Variants in ANK3 observed in about 807,000 individuals in gnomAD.
ANK3 encodes ankyrin-3.
Under a neutral mutation model 370.9 loss-of-function variants are expected in ANK3, and 57 were observed. The observed-to-expected ratio is 0.15, with a 90% CI of 0.12 to 0.19. ANK3 has a LOEUF of 0.19. ANK3 is among the 10% of genes least tolerant of loss of function. The pLI is 1.00. For synonymous variants in ANK3, 1,929 were observed against 1,946.3 expected, an observed-to-expected ratio of 0.99 and a Z score of 0.23; for missense variants, 4,439 against 5,302.1, an observed-to-expected ratio of 0.84 and a Z score of 5.06.
At chr10:60,337,362 T>C (rs1189342786) in intron 1 of ANK3, among the ~76,000 whole-genome samples, 1 of 152,154 alleles carries the variant, frequency 6.6e-6, no homozygotes, top group East Asian at 1.9e-4. Flanking sequence ...TCTCCATTCT[T>C]GCCAAGCCCT....
At chr10:60,100,222 T>G (rs916305863) in intron 28 of ANK3, among the ~76,000 whole-genome samples, 4 of 145,362 alleles carry the variant, frequency 2.8e-5, no homozygotes, top group African/African-American at 1.0e-4. Flanking sequence ...TGAAAGTCAG[T>G]ATTTTGCTAT....
chr10:60,528,563 G>A (rs1046543355), intron 2 of ANK3, among the ~76,000 whole-genome samples: 5 of 151,864 alleles, frequency 3.3e-5, no homozygotes, highest in Admixed American at 6.6e-5. Flanking sequence ...AGTTTTATAC[G>A]GCTCAGCCTA....
At chr10:60,401,957 C>A (rs1202327388) in intron 2 of ANK3, among the ~76,000 whole-genome samples, 1 of 152,190 alleles carries the variant, frequency 6.6e-6, no homozygotes, top group East Asian at 1.9e-4. Context: ...AACTGTATTT[C>A]TATCATCCCA....
intron 2 of ANK3, among the ~76,000 whole-genome samples, chr10:60,588,391 G>T (rs1192760984): frequency 6.6e-6 from 1 of 151,438 alleles, no homozygotes; most frequent in Non-Finnish European, 1.5e-5. Context: ...CAACATATTG[G>T]CCAGGCTGGT....
At chr10:60,553,002 T>C (rs535329132) in intron 2 of ANK3, among the ~76,000 whole-genome samples, 199 of 152,320 alleles carry the variant, frequency 1.3e-3, no homozygotes, top group Middle Eastern at 6.8e-3. Flanking sequence ...GAGGCCTCCC[T>C]GGCCATGTGG....
At chr10:60,341,907 A>C (rs993163675) in intron 1 of ANK3, among the ~76,000 whole-genome samples, 7 of 150,752 alleles carry the variant, frequency 4.6e-5, no homozygotes, top group South Asian at 2.1e-4. Flanking sequence ...TCATCTTCCC[A>C]AAAAAAAGAA....
intron 1 of ANK3, among the ~76,000 whole-genome samples, chr10:60,711,420 A>C (rs2079704953): frequency 6.6e-6 from 1 of 151,940 alleles, no homozygotes; most frequent in South Asian, 2.1e-4. Flanking sequence ...AAAACACTGT[A>C]ACAGATATGA....
intron 1 of ANK3, among the ~76,000 whole-genome samples, chr10:60,309,276 A>G (rs914113493): frequency 1.3e-5 from 2 of 152,234 alleles, no homozygotes; most frequent in Non-Finnish European, 2.9e-5. Context: ...TAGCCTGAAG[A>G]AACACAATGA....
intron 2 of ANK3, among the ~76,000 whole-genome samples, chr10:60,468,846 A>G (rs1379718294): frequency 6.6e-6 from 1 of 151,224 alleles, no homozygotes; most frequent in Non-Finnish European, 1.5e-5. Context: ...CTAAAATGAA[A>G]TACTGAGACA....
chr10:60,422,677 G>A (rs1315903036), intron 2 of ANK3, among the ~76,000 whole-genome samples: 1 of 151,902 alleles, frequency 6.6e-6, no homozygotes, highest in African/African-American at 2.4e-5. Flanking sequence ...TCCCTCCTAA[G>A]CTGTAATGGC....
chr10:60,558,675 T>C (rs2077264477), intron 2 of ANK3, among the ~76,000 whole-genome samples: 2 of 152,206 alleles, frequency 1.3e-5, no homozygotes, highest in Admixed American at 6.5e-5. Flanking sequence ...ACATGTATCA[T>C]CAGAAGTTAA....
At chr10:60,038,786 T>C (rs762473337) in intron 43 of ANK3, among the ~76,000 whole-genome samples, 1 of 152,192 alleles carries the variant, frequency 6.6e-6, no homozygotes, top group Non-Finnish European at 1.5e-5. Context: ...ACACCAATCT[T>C]ACATATTTGA....
In ANK3 at chr10:60,071,132, G is replaced by A; in HGVS notation, c.9749C>T (p.Ala3250Val). ...SNQRPKNNRV[A>V]YIEFPPPPPL... is the part of the protein sequence containing the mutation. Reference sequence around the variant, plus strand: ...TGGAGGAGGGGGAAATTCAATATAGGCAACTCTGTTATTTTTGGGTCTTTG... The same window carrying A: ...TGGAGGAGGGGGAAATTCAATATAGACAACTCTGTTATTTTTGGGTCTTTG... Residue 3250 changes from alanine (A) to valine (V), a missense_variant, in exon 37 of 44, where the codon GCC (alanine) becomes GTC (valine). Ala to Val is a moderately conservative substitution (Grantham distance 64). This residue lies in a region of ANK3 where 1,601 missense variants were observed against 1,731.7 expected (regional missense o/e 0.92). Transcript: ENST00000280772. 6.2e-7 allele frequency: 1 copy of A among 1,614,046 alleles called. No individual in the cohort carries two copies. Among genetic ancestry groups the A allele is most frequent in the African/African-American group, 1.3e-5 (1 of 75,020 alleles).
chr10:60,047,606 C>T (rs1263470930), intron 42 of ANK3, among the ~76,000 whole-genome samples: 3 of 152,168 alleles, frequency 2.0e-5, no homozygotes, highest in Admixed American at 6.5e-5. Context: ...ACTTACCATA[C>T]GTTTGAACTG....
At chr10:60,625,366 T>C (rs2078395035) in intron 1 of ANK3, among the ~76,000 whole-genome samples, 1 of 152,196 alleles carries the variant, frequency 6.6e-6, no homozygotes, top group Admixed American at 6.5e-5. Context: ...AATAGACATT[T>C]GAATTGCAAG....
In ANK3 at chr10:60,075,048, A is replaced by C; in HGVS notation, c.5833T>G (p.Phe1945Val). The part of the protein sequence containing the change: ...KEGRIDDEEP[F>V]KIVEKVKEDL... ...TCCTTTACTTTCTCTACAATTTTGAAAGGTTCTTCATCATCTATTCTCCCT... is the reference window on the plus strand; with the variant it reads ...TCCTTTACTTTCTCTACAATTTTGACAGGTTCTTCATCATCTATTCTCCCT... The change falls in exon 37 of 44, where the codon TTC becomes GTC. Residue 1945 changes from phenylalanine (F) to valine (V), a missense_variant. This residue lies in a region of ANK3 where 679 missense variants were observed against 791.0 expected (regional missense o/e 0.86). Transcript: ENST00000280772. 2 of 1,613,836 alleles carry C rather than the reference A, an allele frequency of 1.2e-6. No individual in the cohort carries two copies.
In ANK3 at chr10:60,544,304, T is replaced by G. The variant is rs565676058; in HGVS notation, c.96+70882A>C. On this transcript the variant is annotated intron_variant, in intron 2 of 43. Coordinates refer to the ANK3 transcript ENST00000373827. ...AACTCAACAGACTATCTGATGTTGA[T>G]GCTGTTATATAAGAGTTTTAAATTA... Among the ~76,000 whole-genome samples the G allele has an allele frequency of 5.9e-5, 9 of 152,260 alleles. No homozygotes were observed. The South Asian group carries it at 1.9e-3, about 32-fold the overall frequency.
chr10:60,212,579 A>G (rs1056158514), intron 9 of ANK3, among the ~76,000 whole-genome samples: 2 of 152,166 alleles, frequency 1.3e-5, no homozygotes, highest in Non-Finnish European at 2.9e-5. Flanking sequence ...CAGCTCACCA[A>G]TCTAAACCCT....
chr10:60,164,566 A>G (rs1386195949), intron 23 of ANK3, among the ~76,000 whole-genome samples: 1 of 152,166 alleles, frequency 6.6e-6, no homozygotes, highest in Non-Finnish European at 1.5e-5. Context: ...CAGAAAAGGC[A>G]GCTTTTGTTC....
Sources: allele counts gnomAD v4.1 joint callset (sites outside exome capture counted in the v4.1 genomes callset), GRCh38; gene constraint gnomAD v4.1.1; regional missense constraint gnomAD v4.1.1; transcripts MANE v1.5; gene names NCBI Gene and HGNC (gene_info 2026-07-23, HGNC 2026-07-21).